Variants in LARS2 observed in about 807,000 individuals in gnomAD.
LARS2 encodes leucyl-tRNA synthetase 2, mitochondrial.
A neutral mutation model predicts 116.6 loss-of-function variants in LARS2; 81 were observed. The observed-to-expected ratio is 0.69, with a 90% CI of 0.58 to 0.84. The LOEUF is 0.84. LARS2 is among the 40% of genes least tolerant of loss of function. LARS2 has a pLI of 0.00. For synonymous variants in LARS2, 396 were observed against 407.2 expected (o/e 0.97, Z 0.33); for missense variants, 968 against 1,114.5 (o/e 0.87, Z 1.87).
chr3:45,420,500 C>CT (rs1176063928), intron 6 of LARS2, among the ~76,000 whole-genome samples: 1 of 152,146 alleles, frequency 6.6e-6, no homozygotes, highest in African/African-American at 2.4e-5. Flanking sequence ...GTTTTCTTTA[C>CT]TAGAAGCACT....
chr3:45,389,646 G>GGAAGAAGAGAAGAGTCTTCTTATCTTA (rs1697904865), intron 1 of LARS2, among the ~76,000 whole-genome samples: 1 of 152,202 alleles, frequency 6.6e-6, no homozygotes, highest in East Asian at 1.9e-4. Flanking sequence ...GGAAGGTTGT[G>GGAAGAAGAGAAGAGTCTTCTTATCTTA]GAAGAAGAGA....
intron 8 of LARS2, among the ~76,000 whole-genome samples, chr3:45,472,888 T>G (rs1269495383): frequency 2.0e-5 from 3 of 152,216 alleles, no homozygotes; most frequent in Non-Finnish European, 4.4e-5. Flanking sequence ...GCAACATACA[T>G]AAAAGTGCCT....
intron 6 of LARS2, among the ~76,000 whole-genome samples, chr3:45,445,469 G>A (rs1018297985): frequency 2.0e-5 from 3 of 152,198 alleles, no homozygotes; most frequent in Non-Finnish European, 4.4e-5. Flanking sequence ...AGTTGGTGAA[G>A]ATCTTTGTGC....
Position 45,492,146 on chromosome 3 carries a change from G to A in LARS2, c.1523+346G>A, listed in dbSNP as rs150374522. ...CCATTTTGATATTCCAAAGAGCCAC[G>A]TGGAGAGGGGAGAAAATGTTCTCTT... On this transcript the variant is annotated intron_variant, in intron 13 of 21. Transcript: ENST00000645846. 1.8e-3 allele frequency among the ~76,000 whole-genome samples: 281 copies of A among 152,330 alleles called. 1 individual carries two copies. The highest frequency in any genetic ancestry group is 0.014 in the Middle Eastern group (4 of 294).
At chr3:45,426,162 G>T (rs950140257) in intron 6 of LARS2, among the ~76,000 whole-genome samples, 1 of 152,100 alleles carries the variant, frequency 6.6e-6, no homozygotes, top group Non-Finnish European at 1.5e-5. Context: ...ATAGAGAACC[G>T]GACCTCTGAT....
intron 7 of LARS2, among the ~76,000 whole-genome samples, chr3:45,451,669 G>A (rs1699130602): frequency 6.6e-6 from 1 of 151,956 alleles, no homozygotes; most frequent in Non-Finnish European, 1.5e-5. Context: ...TTTTGCTCAG[G>A]ATTGCTTTGG....
chr3:45,499,393 G>C (rs1353568547), intron 14 of LARS2, among the ~76,000 whole-genome samples: 1 of 152,102 alleles, frequency 6.6e-6, no homozygotes, highest in African/African-American at 2.4e-5. Context: ...AGTGAGCCGA[G>C]ATCACGCCCC....
intron 20 of LARS2, among the ~76,000 whole-genome samples, chr3:45,531,446 G>A (rs757495442): frequency 2.6e-5 from 4 of 152,016 alleles, no homozygotes; most frequent in Non-Finnish European, 4.4e-5. Flanking sequence ...GGCACAATCT[G>A]GGCTTATTGC....
At chr3:45,419,287 C>T (rs1698479132) in intron 5 of LARS2, among the ~76,000 whole-genome samples, 1 of 152,152 alleles carries the variant, frequency 6.6e-6, no homozygotes. Context: ...CTTTTGTTTT[C>T]AGCCACTTTT....
chr3:45,495,392 G>A (rs1377232962), intron 13 of LARS2: 1 of 152,218 alleles, frequency 6.6e-6, no homozygotes, highest in Non-Finnish European at 1.5e-5. Flanking sequence ...GTGTTGTGAA[G>A]AGATGCCCCA....
chr3:45,535,764 ACACCCCCACACC>A (rs1161146526), intron 20 of LARS2, among the ~76,000 whole-genome samples: 4 of 35,826 alleles, frequency 1.1e-4, no homozygotes, highest in East Asian at 3.3e-3. Context: ...ACACACACAC[ACACCCCCACACC>A]CACATACACA....
chr3:45,403,471 C>A (rs1698187090), intron 4 of LARS2, among the ~76,000 whole-genome samples: 1 of 152,060 alleles, frequency 6.6e-6, no homozygotes, highest in South Asian at 2.1e-4. Context: ...CACCCACCAC[C>A]ACACTCAGCT....
chr3:45,534,376 C>G (rs565845173), intron 20 of LARS2, among the ~76,000 whole-genome samples: 1 of 152,302 alleles, frequency 6.6e-6, no homozygotes, highest in East Asian at 1.9e-4. Flanking sequence ...CCTTTGCAGA[C>G]AGAAGCACTA....
At chr3:45,543,241 C>G (rs576860429) in intron 21 of LARS2, among the ~76,000 whole-genome samples, 1 of 152,216 alleles carries the variant, frequency 6.6e-6, no homozygotes, top group South Asian at 2.1e-4. Context: ...GAGGAAATTT[C>G]TTTTCTTTCT....
At chr3:45,520,394 C>G (rs115300907) in intron 19 of LARS2, 98 bp downstream of exon 19, 1 of 783,398 alleles carries the variant, frequency 1.3e-6, no homozygotes, top group Non-Finnish European at 2.2e-6. Context: ...AGCACCCCCA[C>G]TGTGTCACCG....
intron 14 of LARS2, among the ~76,000 whole-genome samples, chr3:45,500,198 C>T (rs1371365374): frequency 1.1e-4 from 17 of 152,110 alleles, no homozygotes; most frequent in Admixed American, 9.8e-4. Context: ...GATGGGGTTT[C>T]GCCATGTTGG....
intron 20 of LARS2, chr3:45,541,576 T>C (rs1700796338): frequency 6.5e-6 from 3 of 460,384 alleles, no homozygotes; most frequent in Non-Finnish European, 1.2e-5. Context: ...TTTTTCCAAA[T>C]GCACACTTTA....
At chr3:45,391,492 A>G (rs1192744455) in intron 1 of LARS2, 91 bp from the exon 2 acceptor site, 1 of 151,792 alleles carries the variant, frequency 6.6e-6, no homozygotes, top group African/African-American at 2.4e-5. Context: ...TCAAAAAAAA[A>G]AAAAACAAAA....
At chr3:45,490,369 G>GC (rs1699894307) in intron 12 of LARS2, among the ~76,000 whole-genome samples, 1 of 152,192 alleles carries the variant, frequency 6.6e-6, no homozygotes, top group Non-Finnish European at 1.5e-5. Flanking sequence ...CTTTCACACA[G>GC]CTTCAGATGG....
Sources: allele counts gnomAD v4.1 joint callset (sites outside exome capture counted in the v4.1 genomes callset), GRCh38; gene constraint gnomAD v4.1.1; transcripts MANE v1.5; gene names NCBI Gene and HGNC (gene_info 2026-07-23, HGNC 2026-07-21).